ASPRV1: variants seen among roughly 807,000 people sequenced by gnomAD.
ASPRV1 encodes retroviral-like aspartic protease 1.
A neutral mutation model predicts 11.0 loss-of-function variants in ASPRV1; 7 were observed. The observed-to-expected ratio is 0.64, with a 90% CI of 0.36 to 1.20. ASPRV1 has a LOEUF of 1.20. Among genes scored for constraint, ASPRV1 ranks in the 50% most tolerant of loss-of-function variants. ASPRV1 has a pLI of 0.02. For synonymous variants in ASPRV1, 136 were observed against 138.4 expected, an observed-to-expected ratio of 0.98 and a Z score of 0.12; for missense variants, 299 against 320.0, an observed-to-expected ratio of 0.93 and a Z score of 0.50.
the ASPRV1 span, among the ~76,000 whole-genome samples, chr2:70,038,984 TAGG>T: frequency 6.7e-6 from 1 of 149,396 alleles, no homozygotes; most frequent in African/African-American, 2.5e-5. Flanking sequence ...GAGGCTGAGG[TAGG>T]AGAATCACTT....
the ASPRV1 span, among the ~76,000 whole-genome samples, chr2:69,947,563 C>T: frequency 6.6e-6 from 1 of 152,142 alleles, no homozygotes; most frequent in Non-Finnish European, 1.5e-5. Context: ...CAACATCTTT[C>T]CTATTTTAGT....
At chr2:69,935,364 C>T in the ASPRV1 span, 2 of 1,613,612 alleles carry the variant, frequency 1.2e-6, no homozygotes, top group Non-Finnish European at 8.5e-7. Context: ...GGCTCATCTT[C>T]GCTTGTGCCT....
chr2:69,943,918 CCTAAAATTTTT>C, the ASPRV1 span, among the ~76,000 whole-genome samples: 1 of 152,224 alleles, frequency 6.6e-6, no homozygotes, highest in Non-Finnish European at 1.5e-5. Flanking sequence ...CTAAAAACCA[CCTAAAATTTTT>C]GAAAGGTTTT....
At chr2:70,047,765 C>T in the ASPRV1 span, among the ~76,000 whole-genome samples, 4 of 152,140 alleles carry the variant, frequency 2.6e-5, no homozygotes, top group Non-Finnish European at 5.9e-5. Flanking sequence ...TTCTGATTTA[C>T]AGTATGAAGC....
the ASPRV1 span, among the ~76,000 whole-genome samples, chr2:69,945,488 C>T: frequency 6.6e-6 from 1 of 152,134 alleles, no homozygotes; most frequent in African/African-American, 2.4e-5. Flanking sequence ...CTGCGAGTGT[C>T]CTTGTGGAGA....
the ASPRV1 span, chr2:70,034,901 A>C: frequency 6.5e-6 from 1 of 152,960 alleles, no homozygotes; most frequent in Non-Finnish European, 1.5e-5. Flanking sequence ...ACCAGGAAAC[A>C]CAGGCAGGAC....
At chr2:69,950,043 T>G in the ASPRV1 span, among the ~76,000 whole-genome samples, 1 of 152,178 alleles carries the variant, frequency 6.6e-6, no homozygotes. Context: ...CTCGAACTCC[T>G]GACCTCAGGT....
the ASPRV1 span, among the ~76,000 whole-genome samples, chr2:69,974,015 A>C: frequency 4.6e-5 from 7 of 152,226 alleles, no homozygotes; most frequent in Middle Eastern, 3.2e-3. Context: ...ATAGATGTAC[A>C]TAATCTTAAA....
chr2:69,964,804 A>G (rs1359057898), upstream of ASPRV1: 1 of 152,544 alleles, frequency 6.6e-6, no homozygotes, highest in Non-Finnish European at 1.5e-5. Context: ...TGTGAGCTCA[A>G]CCAGCCCAAT....
chr2:70,036,890 C>A, the ASPRV1 span, among the ~76,000 whole-genome samples: 3 of 152,108 alleles, frequency 2.0e-5, no homozygotes, highest in South Asian at 6.2e-4. Flanking sequence ...CCACTCCTAC[C>A]TCTCCCCAGT....
chr2:69,998,913 A>G, the ASPRV1 span, among the ~76,000 whole-genome samples: 33,591 of 151,884 alleles, frequency 0.22, 6,470 homozygotes, highest in African/African-American at 0.49. Context: ...GATGGCAGTC[A>G]GCAGTCGGGC....
the ASPRV1 span, chr2:69,998,087 G>A: frequency 6.6e-6 from 1 of 151,090 alleles, no homozygotes; most frequent in Non-Finnish European, 1.5e-5. Flanking sequence ...CCTTTATAAA[G>A]CCGAAATTCA....
chr2:69,953,238 G>A, the ASPRV1 span, among the ~76,000 whole-genome samples: 1 of 152,330 alleles, frequency 6.6e-6, no homozygotes, highest in South Asian at 2.1e-4. Flanking sequence ...AGGGAGTTGT[G>A]GGTGGTCTCA....
chr2:70,033,034 A>G, the ASPRV1 span, among the ~76,000 whole-genome samples: 159 of 152,238 alleles, frequency 1.0e-3, no homozygotes, highest in African/African-American at 3.6e-3. Context: ...GTCCTTGGGC[A>G]TGTTTTAAAA....
chr2:70,045,445 TATC>T, the ASPRV1 span: 1 of 152,306 alleles, frequency 6.6e-6, no homozygotes, highest in East Asian at 1.9e-4. Flanking sequence ...CCATCTAAAT[TATC>T]ATGTACCTGG....
upstream of ASPRV1, among the ~76,000 whole-genome samples, chr2:69,963,901 C>T (rs913236752): frequency 3.3e-5 from 5 of 152,056 alleles, no homozygotes; most frequent in South Asian, 2.1e-4. Context: ...ATAGCATAGG[C>T]GCCGGGGGCA....
the ASPRV1 span, among the ~76,000 whole-genome samples, chr2:69,954,112 C>A: frequency 6.6e-6 from 1 of 152,236 alleles, no homozygotes; most frequent in Non-Finnish European, 1.5e-5. Context: ...TCTCATGATG[C>A]AGATGCCATC....
chr2:70,022,688 T>TA, the ASPRV1 span, among the ~76,000 whole-genome samples: 39 of 149,478 alleles, frequency 2.6e-4, no homozygotes, highest in East Asian at 3.9e-4. Flanking sequence ...AGACCCTGTT[T>TA]AAAAAAAAAA....
chr2:70,065,940 G>C, the ASPRV1 span, among the ~76,000 whole-genome samples: 1 of 151,998 alleles, frequency 6.6e-6, no homozygotes, highest in Non-Finnish European at 1.5e-5. Flanking sequence ...GGGTGCAGTG[G>C]CTCACGCCTG....
Sources: gnomAD v4.1 joint callset for allele counts (sites outside exome capture counted in the v4.1 genomes callset) on GRCh38, gnomAD v4.1.1 for gene constraint, MANE v1.5 for transcripts, NCBI Gene and HGNC (gene_info 2026-07-23, HGNC 2026-07-21) for gene names.